DYNC2H1: variants seen among roughly 807,000 people sequenced by gnomAD.
DYNC2H1 encodes cytoplasmic dynein 2 heavy chain 1.
Under a neutral mutation model 570.0 loss-of-function variants are expected in DYNC2H1, and 410 were observed. The ratio of observed to expected loss-of-function variants is 0.72; its 90% CI spans 0.66 to 0.78. The LOEUF (loss-of-function observed/expected upper bound fraction) is 0.78, where lower values mean the gene tolerates loss of function less well. DYNC2H1 is among the 30% of genes least tolerant of loss of function. DYNC2H1 has a pLI of 0.00. For synonymous variants in DYNC2H1, 1,688 were observed against 1,677.6 expected, an observed-to-expected ratio of 1.01 and a Z score of -0.15; for missense variants, 4,865 against 5,046.4, an observed-to-expected ratio of 0.96 and a Z score of 1.09.
At chr11:103,332,777 A>C (rs1359453560) in intron 82 of DYNC2H1, among the ~76,000 whole-genome samples, 1 of 152,170 alleles carries the variant, frequency 6.6e-6, no homozygotes, top group Non-Finnish European at 1.5e-5. Context: ...CAAGGCGGGC[A>C]GATCACTTGA....
chr11:103,233,577 G>A (rs1864097602), intron 60 of DYNC2H1, among the ~76,000 whole-genome samples: 2 of 151,826 alleles, frequency 1.3e-5, no homozygotes, highest in African/African-American at 2.4e-5. Context: ...GTGGTTGGAA[G>A]ATACTCTAGG....
At chr11:103,453,196 G>T (rs999393323) in intron 85 of DYNC2H1, among the ~76,000 whole-genome samples, 1 of 151,986 alleles carries the variant, frequency 6.6e-6, no homozygotes, top group African/African-American at 2.4e-5. Context: ...TTTAAAAGGG[G>T]CATAGCCCAT....
intron 82 of DYNC2H1, among the ~76,000 whole-genome samples, chr11:103,342,859 C>T (rs920318820): frequency 6.6e-6 from 1 of 152,062 alleles, no homozygotes; most frequent in African/African-American, 2.4e-5. Flanking sequence ...AGACCAGGAA[C>T]CCACTGGAAG....
In DYNC2H1 at chr11:103,314,933, A is replaced by G. The variant is rs921664379; in HGVS notation, c.11650-1612A>G. ...CACATACGGTCTAACAGAATGATAT[A>G]AGAAATTTTATTAAGACTTTTGAAT... On this transcript the variant is annotated intron_variant, in intron 79 of 88. Transcript: ENST00000375735. Among the ~76,000 whole-genome samples the G allele has an allele frequency of 3.3e-5, 5 of 152,114 alleles. 1 individual carries two copies. The highest frequency in any genetic ancestry group is 3.3e-4 in the Admixed American group (5 of 15,266).
In DYNC2H1 at chr11:103,282,205, T is replaced by TG. The variant is rs769543440; in HGVS notation, c.10789dup (p.Val3597GlyfsTer9). 6.2e-7 allele frequency: 1 copy of TG among 1,608,864 alleles called. No homozygotes were observed. The highest frequency in any genetic ancestry group is 1.7e-5 in the Admixed American group (1 of 59,482). Reference sequence around the variant, plus strand: ...AATGGGATACGTTTACAGGTGTGGTTGTTGGAGACATGTTACGGAAAGCTG... The same window carrying TG: ...AATGGGATACGTTTACAGGTGTGGTTGGTTGGAGACATGTTACGGAAAGCTG... On this transcript the variant is annotated frameshift_variant, in exon 72 of 89. Transcript: ENST00000375735. LOFTEE classifies it high-confidence loss of function.
At chr11:103,220,902 C>A in intron 57 of DYNC2H1, 119 bp downstream of exon 57, 4 of 941,536 alleles carry the variant, frequency 4.2e-6, no homozygotes, top group Non-Finnish European at 6.1e-6. Context: ...CATGGGTGTA[C>A]ATTTTGGCTT....
intron 76 of DYNC2H1, 79 bp from the exon 77 acceptor site, chr11:103,304,516 T>C (rs2135399115): frequency 1.4e-6 from 2 of 1,442,060 alleles, no homozygotes; most frequent in African/African-American, 1.4e-5. Flanking sequence ...GGGATTACTA[T>C]TATTGAATCT....
At position 103,179,800 on chromosome 11, in the gene DYNC2H1, G is replaced by T. The variant is rs1009668262; in HGVS notation, c.6347+567G>T. On this transcript the variant is annotated intron_variant, in intron 39 of 88. Coordinates refer to ENST00000375735, the MANE Select transcript of DYNC2H1 (RefSeq NM_001377.3). ...GAAAGTGAATAATAAACCAATTTTA[G>T]ATATCATGTAAAATAGTCACATACC... Among the ~76,000 whole-genome samples, 3 of 151,542 alleles carry T rather than the reference G, an allele frequency of 2.0e-5. No homozygotes were observed. In the South Asian group the frequency reaches 6.2e-4, roughly 31 times the overall value.
At chr11:103,266,321 G>A (rs1865503078) in intron 70 of DYNC2H1, among the ~76,000 whole-genome samples, 1 of 152,088 alleles carries the variant, frequency 6.6e-6, no homozygotes, top group Non-Finnish European at 1.5e-5. Flanking sequence ...CCCTGCAGAT[G>A]ACTGTGTGCA....
chr11:103,146,135 A>C (rs2435930), intron 18 of DYNC2H1, among the ~76,000 whole-genome samples: 131,538 of 152,078 alleles, frequency 0.86, 57,543 homozygotes, highest in Non-Finnish European at 0.92. Flanking sequence ...GTTTAAACTT[A>C]TCCAGCTAGT....
rs1864643230 is a variant in DYNC2H1, at chr11:103,246,998, CCTT to C, written c.10042+1625_10042+1627del. Among the ~76,000 whole-genome samples, 6 of 149,432 alleles carry C rather than the reference CCTT, an allele frequency of 4.0e-5. 1 individual carries two copies. The highest frequency in any genetic ancestry group is 3.4e-4 in the Admixed American group (5 of 14,856). On this transcript the variant is annotated intron_variant, in intron 65 of 88. Coordinates refer to ENST00000375735, the MANE Select transcript of DYNC2H1 (RefSeq NM_001377.3). ...AAATTCTCTTTTTCTCTCTCTCTCT[CCTT>C]TTTTTTTTTTTACTTTGTTTCCTAT...
Position 103,189,916 on chromosome 11 carries a change from T to C in DYNC2H1, c.7437+100T>C. On this transcript the variant is annotated intron_variant, in intron 45 of 88. Coordinates refer to ENST00000375735, the MANE Select transcript of DYNC2H1 (RefSeq NM_001377.3). This position sits in a 1 kb window ranked among gnomAD's most constrained non-coding sequence, Gnocchi z 4.3. ...CTGTGTTGACACCCAGGCTTTACTTTCCTGTTTATTAGACTTTTCTAGTAG... is the reference window on the plus strand; with the variant it reads ...CTGTGTTGACACCCAGGCTTTACTTCCCTGTTTATTAGACTTTTCTAGTAG... 7.9e-7 allele frequency: 1 copy of C among 1,267,288 alleles called. No homozygotes were observed. Among genetic ancestry groups the C allele is most frequent in the South Asian group, 1.6e-5 (1 of 62,310 alleles). The allele number at this position is 1,267,288 out of a possible 1,614,324, so 78.5% of individuals were successfully genotyped here. A position where few individuals can be genotyped will look rare whatever the true frequency, so the allele number is the denominator to read the frequency against.
chr11:103,453,988 C>A (rs1944702469), intron 85 of DYNC2H1, among the ~76,000 whole-genome samples: 1 of 151,908 alleles, frequency 6.6e-6, no homozygotes, highest in Non-Finnish European at 1.5e-5. Flanking sequence ...CTAAGAAGAT[C>A]TTTTAAAAGT....
intron 53 of DYNC2H1, 90 bp downstream of exon 53, chr11:103,210,050 T>C: frequency 7.7e-7 from 1 of 1,305,960 alleles, no homozygotes; most frequent in Non-Finnish European, 9.9e-7. Context: ...AGATTCATGA[T>C]TATAAATTTG....
chr11:103,473,235 T>C (rs987297859), intron 88 of DYNC2H1, among the ~76,000 whole-genome samples: 8 of 151,946 alleles, frequency 5.3e-5, no homozygotes, highest in African/African-American at 1.9e-4. Context: ...ATTATCTATG[T>C]ACTAAGATAA....
intron 30 of DYNC2H1, among the ~76,000 whole-genome samples, chr11:103,164,672 T>G (rs1861227141): frequency 1.3e-5 from 2 of 152,172 alleles, no homozygotes; most frequent in African/African-American, 4.8e-5. Flanking sequence ...ATCAAGTCAT[T>G]TTGAAGGTTA....
rs570769746 is a variant in DYNC2H1, at chr11:103,287,396, C to T, written c.11023-137C>T. 185 of 683,386 alleles carry T rather than the reference C, an allele frequency of 2.7e-4. No homozygotes were observed. In the African/African-American group the frequency reaches 3.2e-3, roughly 12 times the overall value. 42.3% of individuals were successfully genotyped at this position (683,386 alleles called of 1,614,324 possible). ...ATACCTATTGTGACAGTTTAAAGCACAGTAAATAATATGGAACAATGATAA... is the reference window on the plus strand; with the variant it reads ...ATACCTATTGTGACAGTTTAAAGCATAGTAAATAATATGGAACAATGATAA... On this transcript the variant is annotated intron_variant, in intron 74 of 88. Coordinates refer to ENST00000375735, the MANE Select transcript of DYNC2H1 (RefSeq NM_001377.3).
At chr11:103,464,434 AGAG>A (rs2135836058) in intron 87 of DYNC2H1, among the ~76,000 whole-genome samples, 1 of 152,338 alleles carries the variant, frequency 6.6e-6, no homozygotes, top group East Asian at 1.9e-4. Context: ...AGAGAATGAC[AGAG>A]AAGAGAAATT....
intron 18 of DYNC2H1, among the ~76,000 whole-genome samples, chr11:103,143,731 A>G (rs1346611275): frequency 6.6e-6 from 1 of 152,162 alleles, no homozygotes; most frequent in Non-Finnish European, 1.5e-5. Flanking sequence ...ATATAAAGCT[A>G]GTGACATTTC....
Sources: gnomAD v4.1 joint callset for allele counts (sites outside exome capture counted in the v4.1 genomes callset) on GRCh38, gnomAD v4.1.1 for gene constraint, Gnocchi (gnomAD v3.1) non-coding constraint, MANE v1.5 for transcripts, NCBI Gene and HGNC (gene_info 2026-07-23, HGNC 2026-07-21) for gene names.